Variants in ABLIM1 observed in about 807,000 individuals in gnomAD.
ABLIM1 encodes actin-binding LIM protein 1.
ABLIM1 carries 40 observed loss-of-function variants against 107.0 expected under a neutral mutation model. That is an observed-to-expected ratio of 0.37 (90% confidence interval 0.29 to 0.49). The LOEUF (loss-of-function observed/expected upper bound fraction) is 0.49, where lower values mean the gene tolerates loss of function less well. Ranked by LOEUF, ABLIM1 falls within the 20% of genes least tolerant of loss-of-function variation. The pLI, the probability that ABLIM1 is intolerant of heterozygous loss-of-function variation, is 0.97. For synonymous variants in ABLIM1, 357 were observed against 357.3 expected, an observed-to-expected ratio of 1.00 and a Z score of 0.01; for missense variants, 857 against 1,008.5, an observed-to-expected ratio of 0.85 and a Z score of 2.04.
At chr10:114,787,980 T>C in the ABLIM1 span, among the ~76,000 whole-genome samples, 1 of 142,900 alleles carries the variant, frequency 7.0e-6, no homozygotes, top group Admixed American at 7.1e-5. Context: ...TTTTGTTCTG[T>C]ACTAAGAAAA....
the ABLIM1 span, among the ~76,000 whole-genome samples, chr10:114,791,031 A>T: frequency 3.9e-4 from 59 of 151,728 alleles, no homozygotes; most frequent in Non-Finnish European, 5.4e-4. Context: ...TATCCTTTTT[A>T]AAAAAAAATC....
chr10:114,572,222 AT>A (rs1384047649), intron 3 of ABLIM1, among the ~76,000 whole-genome samples: 1 of 152,158 alleles, frequency 6.6e-6, no homozygotes, highest in Non-Finnish European at 1.5e-5. Context: ...CATTAAAGTG[AT>A]TTTTCAAATG....
the ABLIM1 span, among the ~76,000 whole-genome samples, chr10:114,794,035 G>A: frequency 0.013 from 1,971 of 152,284 alleles, 37 homozygotes; most frequent in African/African-American, 0.043. Flanking sequence ...ATCTCCTGTA[G>A]GCACCATGCA....
At chr10:114,476,966 C>T (rs1459764262) in intron 8 of ABLIM1, among the ~76,000 whole-genome samples, 1 of 152,060 alleles carries the variant, frequency 6.6e-6, no homozygotes, top group Non-Finnish European at 1.5e-5. Flanking sequence ...CCAAGCACTT[C>T]CCAGGCTTAA....
chr10:114,764,462 C>A (rs1332369396), intron 1 of ABLIM1, among the ~76,000 whole-genome samples: 1 of 152,178 alleles, frequency 6.6e-6, no homozygotes, highest in Non-Finnish European at 1.5e-5. Context: ...ATGCCTCAGC[C>A]TCCCGAGTAG....
intron 1 of ABLIM1, among the ~76,000 whole-genome samples, chr10:114,708,229 C>T (rs1002570599): frequency 4.6e-5 from 7 of 152,188 alleles, no homozygotes; most frequent in Non-Finnish European, 1.0e-4. Context: ...TGAAACAAAA[C>T]GACCTCAACA....
intron 2 of ABLIM1, among the ~76,000 whole-genome samples, chr10:114,587,007 T>C (rs2074269890): frequency 6.6e-6 from 1 of 152,194 alleles, no homozygotes; most frequent in Admixed American, 6.5e-5. Flanking sequence ...ACTCTACAAA[T>C]ATCCATGCAC....
chr10:114,436,444 T>G, intron 22 of ABLIM1, 71 bp from the exon 23 acceptor site: 2 of 1,165,844 alleles, frequency 1.7e-6, no homozygotes, highest in South Asian at 2.6e-5. Context: ...TGAGCGTTGC[T>G]CTATAGTTTA....
At chr10:114,436,760 C>T (rs185212031) in intron 22 of ABLIM1, among the ~76,000 whole-genome samples, 156 of 152,020 alleles carry the variant, frequency 1.0e-3, no homozygotes, top group Admixed American at 1.8e-3. Flanking sequence ...CCCTGGGGAG[C>T]CCCAGGGCTT....
At chr10:114,668,167 T>G (rs1284030346) in intron 1 of ABLIM1, among the ~76,000 whole-genome samples, 1 of 151,892 alleles carries the variant, frequency 6.6e-6, no homozygotes, top group East Asian at 1.9e-4. Context: ...ATAAAAAAAT[T>G]GTACATGGGG....
At chr10:114,526,852 T>TCC in intron 6 of ABLIM1, 1 of 985,422 alleles carries the variant, frequency 1.0e-6, no homozygotes, top group Non-Finnish European at 1.2e-6. Context: ...GCAACGTGCA[T>TCC]CCCTCTAGAG....
At chr10:114,500,208 G>A (rs115665553) in intron 6 of ABLIM1, among the ~76,000 whole-genome samples, 189 of 152,240 alleles carry the variant, frequency 1.2e-3, no homozygotes, top group African/African-American at 4.0e-3. Context: ...TCAGAGGAAG[G>A]GTCAGCAGCT....
At chr10:114,711,877 C>T (rs1050192706) in intron 1 of ABLIM1, among the ~76,000 whole-genome samples, 5 of 152,236 alleles carry the variant, frequency 3.3e-5, no homozygotes, top group South Asian at 2.1e-4. Flanking sequence ...AAGTGCCCCC[C>T]GCACCAACTG....
chr10:114,720,132 T>C (rs1404895560), intron 1 of ABLIM1, among the ~76,000 whole-genome samples: 2 of 152,230 alleles, frequency 1.3e-5, no homozygotes, highest in African/African-American at 4.8e-5. Flanking sequence ...TATTTGGTTT[T>C]CTGTTCCTGC....
At chr10:114,737,238 CT>C (rs1452131406) in intron 1 of ABLIM1, among the ~76,000 whole-genome samples, 1 of 152,154 alleles carries the variant, frequency 6.6e-6, no homozygotes, top group African/African-American at 2.4e-5. Flanking sequence ...ACACGAGAAT[CT>C]CTTGAAACCA....
the ABLIM1 span, among the ~76,000 whole-genome samples, chr10:114,776,709 C>T: frequency 6.6e-6 from 1 of 152,194 alleles, no homozygotes; most frequent in Non-Finnish European, 1.5e-5. Context: ...ACTGGAACTT[C>T]ACTCTCCTGA....
At chr10:114,544,116 T>C (rs993286804) in intron 6 of ABLIM1, among the ~76,000 whole-genome samples, 5 of 152,198 alleles carry the variant, frequency 3.3e-5, no homozygotes, top group African/African-American at 4.8e-5. Context: ...CGTGCCCTGC[T>C]GGGAAGGTGG....
At chr10:114,492,737 A>G (rs1436992427) in intron 6 of ABLIM1, among the ~76,000 whole-genome samples, 1 of 152,208 alleles carries the variant, frequency 6.6e-6, no homozygotes, top group South Asian at 2.1e-4. Context: ...CCATCAAAAC[A>G]TTTATTCTGC....
intron 13 of ABLIM1, 49 bp downstream of exon 13, chr10:114,453,330 A>G (rs367708929): frequency 6.3e-7 from 1 of 1,584,254 alleles, no homozygotes; most frequent in African/African-American, 1.3e-5. Context: ...ACAAGGCTAC[A>G]TTCTACACTG....
Sources: gnomAD v4.1 joint callset for allele counts (sites outside exome capture counted in the v4.1 genomes callset) on GRCh38, gnomAD v4.1.1 for gene constraint, MANE v1.5 for transcripts, NCBI Gene and HGNC (gene_info 2026-07-23, HGNC 2026-07-21) for gene names.